The following SPIN1 variants were observed in gnomAD, a reference collection of about 807,000 sequenced individuals.
SPIN1 encodes the protein spindlin-1.
A neutral mutation model predicts 26.0 loss-of-function variants in SPIN1; 3 were observed. The ratio of observed to expected loss-of-function variants is 0.12; its 90% CI spans 0.05 to 0.30. The LOEUF (loss-of-function observed/expected upper bound fraction) is 0.30, where lower values mean the gene tolerates loss of function less well. Ranked by LOEUF, SPIN1 falls within the 10% of genes least tolerant of loss-of-function variation. SPIN1 has a pLI of 1.00. For synonymous variants in SPIN1, 101 were observed against 116.5 expected (o/e 0.87, Z 0.86); for missense variants, 126 against 333.4 (o/e 0.38, Z 4.84).
Position 88,446,291 on chromosome 9 carries a change from C to G in SPIN1, c.53-2650C>G, listed in dbSNP as rs1182175595. Among the ~76,000 whole-genome samples the G allele has an allele frequency of 2.0e-5, 3 of 151,988 alleles. No individual in the cohort carries two copies. The East Asian group carries it at 5.8e-4, about 29-fold the overall frequency. On this transcript the variant is annotated intron_variant, in intron 2 of 5. Coordinates refer to ENST00000375859, the MANE Select transcript of SPIN1 (RefSeq NM_006717.3). ...CTAGTTTGTTTGGCTTTTCCCTTTA[C>G]AGTCTTAATTGGTACAATTAGACTG...
intron 5 of SPIN1, among the ~76,000 whole-genome samples, chr9:88,473,168 G>A (rs1199998283): frequency 2.0e-5 from 3 of 151,454 alleles, no homozygotes; most frequent in Non-Finnish European, 4.4e-5. Flanking sequence ...CGAGGCGGGC[G>A]GATCACCTGA....
At chr9:88,389,160 C>T (rs1826861099) in intron 1 of SPIN1, among the ~76,000 whole-genome samples, 1 of 152,168 alleles carries the variant, frequency 6.6e-6, no homozygotes, top group South Asian at 2.1e-4. Context: ...CGCCCACCGG[C>T]CAGTCCTCGC....
chr9:88,436,745 C>T (rs1828005522), intron 2 of SPIN1, among the ~76,000 whole-genome samples: 1 of 146,652 alleles, frequency 6.8e-6, no homozygotes, highest in East Asian at 2.0e-4. Flanking sequence ...ACATAAATTT[C>T]CTCTGTGTCT....
chr9:88,435,341 A>G (rs1827979843), intron 2 of SPIN1, among the ~76,000 whole-genome samples: 2 of 151,846 alleles, frequency 1.3e-5, no homozygotes. Flanking sequence ...TCAGCCTCTA[A>G]GTCGCTGGGA....
chr9:88,450,405 C>A (rs1182346434), intron 3 of SPIN1, among the ~76,000 whole-genome samples: 2 of 152,226 alleles, frequency 1.3e-5, no homozygotes, highest in East Asian at 3.9e-4. Context: ...AATCATTTTT[C>A]CGTATTTTCT....
At chr9:88,448,648 G>T (rs1372233756) in intron 2 of SPIN1, among the ~76,000 whole-genome samples, 6 of 152,158 alleles carry the variant, frequency 3.9e-5, no homozygotes, top group Non-Finnish European at 7.4e-5. Context: ...ACACCAGGCT[G>T]ACACATAGTT....
chr9:88,407,765 C>CT (rs57142193), intron 1 of SPIN1, among the ~76,000 whole-genome samples: 7,319 of 140,340 alleles, frequency 0.052, 584 homozygotes, highest in African/African-American at 0.18. Context: ...ATCTCTCTCT[C>CT]TTTTTTTTTT....
At chr9:88,448,788 C>T (rs1363010207) in intron 2 of SPIN1, among the ~76,000 whole-genome samples, 153 bp from the exon 3 acceptor site, 1 of 151,964 alleles carries the variant, frequency 6.6e-6, no homozygotes, top group Non-Finnish European at 1.5e-5. Flanking sequence ...TTTAAAAGTT[C>T]AGTAAACAAA....
At chr9:88,474,368 G>A (rs1212528761) in intron 5 of SPIN1, among the ~76,000 whole-genome samples, 1 of 152,176 alleles carries the variant, frequency 6.6e-6, no homozygotes, top group African/African-American at 2.4e-5. Context: ...GCTAGAGGCA[G>A]TACATTAATC....
chr9:88,413,389 G>GT (rs151070215), intron 1 of SPIN1, among the ~76,000 whole-genome samples: 3,606 of 149,558 alleles, frequency 0.024, 88 homozygotes, highest in African/African-American at 0.07. Flanking sequence ...TTTTTGTTCT[G>GT]TTTTTTTTAT....
At chr9:88,465,574 G>T (rs1006904000) in intron 4 of SPIN1, among the ~76,000 whole-genome samples, 1 of 152,144 alleles carries the variant, frequency 6.6e-6, no homozygotes, top group African/African-American at 2.4e-5. Flanking sequence ...TTATGTGCTT[G>T]TTGGCCACTT....
chr9:88,426,642 AT>A, intron 2 of SPIN1, 51 bp downstream of exon 2: 1 of 1,496,968 alleles, frequency 6.7e-7, no homozygotes, highest in Non-Finnish European at 9.0e-7. Flanking sequence ...AATATAATTC[AT>A]TTCAAACAAG....
chr9:88,463,946 G>C (rs1007939707), intron 4 of SPIN1, among the ~76,000 whole-genome samples: 19 of 152,060 alleles, frequency 1.2e-4, no homozygotes, highest in African/African-American at 4.3e-4. Flanking sequence ...CAGAATTTTA[G>C]TCTCTGCCCC....
At chr9:88,417,671 C>G (rs1054695750) in intron 1 of SPIN1, among the ~76,000 whole-genome samples, 1 of 152,038 alleles carries the variant, frequency 6.6e-6, no homozygotes, top group Non-Finnish European at 1.5e-5. Context: ...TGAGGTTTCA[C>G]CATGTTGGCC....
chr9:88,389,937 C>A lies in SPIN1; in HGVS notation c.-159+1399C>A, dbSNP rs143578176. Among the ~76,000 whole-genome samples, 279 of 151,484 alleles carry A rather than the reference C, an allele frequency of 1.8e-3. 1 individual carries two copies. Among genetic ancestry groups the A allele is most frequent in the African/African-American group, 6.6e-3 (272 of 41,498 alleles). ...CAACCTCCCCACTCTCCCCCCTCAG[C>A]TTTAGTTAAAAGGCAAACACCAAAA... On this transcript the variant is annotated intron_variant, in intron 1 of 5. Transcript: ENST00000375859.
intron 1 of SPIN1, among the ~76,000 whole-genome samples, chr9:88,400,421 T>A (rs1827161943): frequency 1.3e-5 from 2 of 152,180 alleles, no homozygotes; most frequent in African/African-American, 4.8e-5. Flanking sequence ...AGTGTTATAG[T>A]TCAAGGAGAT....
intron 1 of SPIN1, among the ~76,000 whole-genome samples, chr9:88,389,023 CG>C (rs1353522742): frequency 2.2e-4 from 33 of 149,878 alleles, no homozygotes; most frequent in Admixed American, 2.2e-3. Flanking sequence ...GGGGGAGGGG[CG>C]GGACCCCGGC....
At chr9:88,472,778 T>C (rs2118234547) in intron 5 of SPIN1, among the ~76,000 whole-genome samples, 1 of 152,372 alleles carries the variant, frequency 6.6e-6, no homozygotes, top group African/African-American at 2.4e-5. Flanking sequence ...CGTGAGCCAC[T>C]GCGTCCGGCT....
chr9:88,464,577 A>C (rs1429485360), intron 4 of SPIN1, among the ~76,000 whole-genome samples: 3 of 152,178 alleles, frequency 2.0e-5, no homozygotes, highest in African/African-American at 7.2e-5. Flanking sequence ...TTAAGCTGTA[A>C]TTCGCGCTTT....
Sources: gnomAD v4.1 joint callset for allele counts (sites outside exome capture counted in the v4.1 genomes callset) on GRCh38, gnomAD v4.1.1 for gene constraint, MANE v1.5 for transcripts, NCBI Gene and HGNC (gene_info 2026-07-23, HGNC 2026-07-21) for gene names.